Variants in ANO6 observed in about 807,000 individuals in gnomAD.
ANO6 encodes the protein anoctamin 6.
Under a neutral mutation model 117.5 loss-of-function variants are expected in ANO6, and 106 were observed. That is an observed-to-expected ratio of 0.90 (90% CI 0.77 to 1.06). The LOEUF is 1.06. ANO6 is among the 50% of genes least tolerant of loss of function. The probability of loss-of-function intolerance (pLI) is 0.00; values close to 1 mark genes in which losing one functional copy is unlikely to be tolerated. For missense variants in ANO6, 955 were observed against 1,121.1 expected (o/e 0.85, Z 2.12); for synonymous variants, 367 against 385.1 (o/e 0.95, Z 0.55).
intron 10 of ANO6, among the ~76,000 whole-genome samples, chr12:45,386,610 A>G (rs556785257): frequency 8.6e-4 from 131 of 152,276 alleles, no homozygotes; most frequent in Non-Finnish European, 1.6e-3. Context: ...CTCACTCTAG[A>G]CTACCTTCAA....
intron 9 of ANO6, among the ~76,000 whole-genome samples, chr12:45,373,673 GAC>G (rs1476430375): frequency 6.6e-6 from 1 of 152,124 alleles, no homozygotes; most frequent in Non-Finnish European, 1.5e-5. Context: ...TGAGAACAAA[GAC>G]ACAACATACC....
At chr12:45,265,675 T>C (rs1343928845) in intron 1 of ANO6, among the ~76,000 whole-genome samples, 4 of 152,166 alleles carry the variant, frequency 2.6e-5, no homozygotes, top group Non-Finnish European at 4.4e-5. Flanking sequence ...TCCAGTCCAT[T>C]CTGCACATCA....
intron 1 of ANO6, among the ~76,000 whole-genome samples, chr12:45,255,617 G>A (rs2137197561): frequency 6.6e-6 from 1 of 152,262 alleles, no homozygotes; most frequent in East Asian, 1.9e-4. Context: ...TCATCCCAAA[G>A]CCATTTTTAA....
At chr12:45,303,973 G>A (rs1171333411) in intron 2 of ANO6, among the ~76,000 whole-genome samples, 1 of 152,188 alleles carries the variant, frequency 6.6e-6, no homozygotes, top group Non-Finnish European at 1.5e-5. Context: ...GTTGATAACA[G>A]ATTTCTGTAT....
chr12:45,298,378 T>C lies in ANO6; in HGVS notation c.71-3636T>C, dbSNP rs952676368. ...TGCCTTTTTAGAATTTTGTCTTGAT[T>C]CTGCTCATTTTAATACAAACCCTCA... On this transcript the variant is annotated intron_variant, in intron 1 of 19. Coordinates refer to ENST00000320560, the MANE Select transcript of ANO6 (RefSeq NM_001025356.3). Among the ~76,000 whole-genome samples, 5 of 152,236 alleles carry C rather than the reference T, an allele frequency of 3.3e-5. No individual in the cohort carries two copies. In the East Asian group the frequency reaches 9.6e-4, roughly 29 times the overall value.
At chr12:45,409,626 T>A in intron 16 of ANO6, 139 bp downstream of exon 16, 1 of 1,034,116 alleles carries the variant, frequency 9.7e-7, no homozygotes, top group Non-Finnish European at 1.4e-6. Context: ...CTAGATAAAA[T>A]TATACAATCC....
chr12:45,421,108 GCCTAGTGTAC>G lies in ANO6; in HGVS notation c.2256_2265del (p.Leu753ThrfsTer75). ...GCTTTCACGTCGGACATGATCCCCC[GCCTAGTGTAC>G]TACTGGTCCTTCTCCGTCCCTCCCT... On this transcript the variant is annotated frameshift_variant, in exon 18 of 20. Transcript: ENST00000320560. LOFTEE classifies it high-confidence loss of function. 6.2e-7 allele frequency: 1 copy of G among 1,614,070 alleles called. No individual in the cohort carries two copies. Among genetic ancestry groups the G allele is most frequent in the Non-Finnish European group, 8.5e-7 (1 of 1,180,008 alleles).
At chr12:45,398,203 A>T (rs1020727059) in intron 12 of ANO6, among the ~76,000 whole-genome samples, 6 of 152,238 alleles carry the variant, frequency 3.9e-5, no homozygotes, top group Non-Finnish European at 2.9e-5. Flanking sequence ...CATCTAGAAG[A>T]TAACACCAAA....
At chr12:45,219,316 T>A (rs1381341591) in intron 1 of ANO6, among the ~76,000 whole-genome samples, 3 of 152,152 alleles carry the variant, frequency 2.0e-5, no homozygotes, top group African/African-American at 7.2e-5. Flanking sequence ...CTGCTTACTT[T>A]TGAAACACTG....
chr12:45,225,183 CA>C (rs34523402), intron 1 of ANO6, among the ~76,000 whole-genome samples: 2,329 of 73,432 alleles, frequency 0.032, 32 homozygotes, highest in African/African-American at 0.084. Flanking sequence ...GACCCTGTCT[CA>C]AAAAAAAAAA....
At chr12:45,332,911 A>G (rs1009040829) in intron 3 of ANO6, among the ~76,000 whole-genome samples, 1 of 152,078 alleles carries the variant, frequency 6.6e-6, no homozygotes, top group African/African-American at 2.4e-5. Context: ...AGTGGAAAGT[A>G]TCGTTTCTGG....
intron 1 of ANO6, among the ~76,000 whole-genome samples, chr12:45,240,527 A>C (rs1267004816): frequency 6.6e-6 from 1 of 151,530 alleles, no homozygotes; most frequent in Non-Finnish European, 1.5e-5. Flanking sequence ...GTGTCTTTTA[A>C]CTGGGGCATT....
chr12:45,283,124 G>A (rs1379782571), intron 1 of ANO6, among the ~76,000 whole-genome samples: 1 of 152,122 alleles, frequency 6.6e-6, no homozygotes, highest in African/African-American at 2.4e-5. Flanking sequence ...ACATCTTAAC[G>A]TACTTATGCA....
intron 1 of ANO6, among the ~76,000 whole-genome samples, chr12:45,239,277 A>G (rs1034330384): frequency 2.0e-5 from 3 of 152,134 alleles, no homozygotes; most frequent in African/African-American, 4.8e-5. Context: ...GGGAAGTTGT[A>G]TGTGTCCAGG....
At chr12:45,314,474 TACAC>T (rs56187528) in intron 2 of ANO6, among the ~76,000 whole-genome samples, 2,614 of 144,804 alleles carry the variant, frequency 0.018, 55 homozygotes, top group East Asian at 0.099. Context: ...ATATTATATA[TACAC>T]ACACACACAC....
chr12:45,367,864 A>G (rs1941726478), intron 9 of ANO6, 71 bp downstream of exon 9: 2 of 1,107,502 alleles, frequency 1.8e-6, no homozygotes, highest in Admixed American at 3.5e-5. Context: ...TAGATAAAAC[A>G]TAGTATTGTA....
chr12:45,433,176 T>G (rs972119817), downstream of ANO6, among the ~76,000 whole-genome samples: 4 of 152,334 alleles, frequency 2.6e-5, no homozygotes, highest in South Asian at 8.3e-4. Context: ...TCTAGTTAGC[T>G]ACCTACAGCT....
chr12:45,228,528 T>C (rs77791371), intron 1 of ANO6, among the ~76,000 whole-genome samples: 5 of 152,228 alleles, frequency 3.3e-5, no homozygotes, highest in South Asian at 2.1e-4. Context: ...TAAGAAGTTA[T>C]AGCTTTTATT....
intron 1 of ANO6, chr12:45,292,560 G>A (rs1259897866): frequency 2.6e-5 from 20 of 773,268 alleles, no homozygotes; most frequent in Non-Finnish European, 3.0e-5. Flanking sequence ...AGTGTACATT[G>A]AGTTTTTCTA....
Sources: allele counts gnomAD v4.1 joint callset (sites outside exome capture counted in the v4.1 genomes callset), GRCh38; gene constraint gnomAD v4.1.1; transcripts MANE v1.5; gene names NCBI Gene and HGNC (gene_info 2026-07-23, HGNC 2026-07-21).